The following UBE2U variants were observed in gnomAD, a reference collection of about 807,000 sequenced individuals.
UBE2U encodes ubiquitin-conjugating enzyme E2 U.
A neutral mutation model predicts 41.2 loss-of-function variants in UBE2U; 39 were observed. The ratio of observed to expected loss-of-function variants is 0.95; its 90% confidence interval spans 0.73 to 1.24. The LOEUF (loss-of-function observed/expected upper bound fraction) is 1.24. Among genes scored for constraint, UBE2U ranks in the 50% most tolerant of loss-of-function variants. The pLI is 0.00. For missense variants in UBE2U, 336 were observed against 363.1 expected (o/e 0.93, Z 0.61); for synonymous variants, 107 against 117.8 (o/e 0.91, Z 0.60).
chr1:64,237,975 A>C (rs976727435), intron 7 of UBE2U, among the ~76,000 whole-genome samples: 1 of 152,228 alleles, frequency 6.6e-6, no homozygotes, highest in Non-Finnish European at 1.5e-5. Context: ...TGAGAGATTA[A>C]ATTTTAAATT....
At position 64,205,663 on chromosome 1, in the gene UBE2U, GA is replaced by G; in HGVS notation, c.93del (p.Asp32IlefsTer2). The G allele has an allele frequency of 1.2e-6, 2 of 1,613,188 alleles. No individual in the cohort carries two copies. The highest frequency in any genetic ancestry group is 2.2e-5 in the South Asian group (2 of 90,948). Reference sequence around the variant, plus strand: ...GGGTATCACTGCTAAGCCTGTAAGTGAAGATATGATGGAATGGGAAGTTGAA... The same window carrying G: ...GGGTATCACTGCTAAGCCTGTAAGTGAGATATGATGGAATGGGAAGTTGAA... ...YKGITAKPVS[E>X]DMMEWEVEIE... On this transcript the variant is annotated frameshift_variant, in exon 2 of 10. Coordinates refer to ENST00000371077, the MANE Select transcript of UBE2U (RefSeq NM_001366232.2). LOFTEE classifies it high-confidence loss of function.
intron 6 of UBE2U, among the ~76,000 whole-genome samples, chr1:64,229,893 T>G (rs1313402656): frequency 1.3e-5 from 2 of 152,228 alleles, no homozygotes; most frequent in African/African-American, 4.8e-5. Flanking sequence ...CTCTTATTTC[T>G]AATCTCAGTG....
intron 8 of UBE2U, among the ~76,000 whole-genome samples, chr1:64,259,077 G>GATGA (rs1473157264): frequency 6.6e-6 from 1 of 152,188 alleles, no homozygotes; most frequent in Non-Finnish European, 1.5e-5. Context: ...GGCCAGTGAT[G>GATGA]ATGAGCATTT....
At chr1:64,241,879 G>T (rs529409774) in intron 8 of UBE2U, 146 bp downstream of exon 8, 82 of 559,540 alleles carry the variant, frequency 1.5e-4, no homozygotes, top group African/African-American at 1.4e-3. Context: ...AAGAATAAAA[G>T]AAATGATCAT....
At chr1:64,255,831 A>C (rs539183316) in intron 8 of UBE2U, among the ~76,000 whole-genome samples, 101 of 151,752 alleles carry the variant, frequency 6.7e-4, no homozygotes, top group Middle Eastern at 3.4e-3. Flanking sequence ...TCTTCAAATT[A>C]TCTTTGTTTG....
intron 8 of UBE2U, among the ~76,000 whole-genome samples, chr1:64,248,822 C>T (rs868417872): frequency 3.9e-5 from 6 of 151,946 alleles, no homozygotes; most frequent in Admixed American, 3.3e-4. Flanking sequence ...AAAATCCTAA[C>T]GGTTTTTTTA....
intron 7 of UBE2U, among the ~76,000 whole-genome samples, chr1:64,235,511 A>G (rs1264696266): frequency 1.3e-5 from 2 of 152,198 alleles, no homozygotes; most frequent in East Asian, 3.8e-4. Context: ...TCCTGGCAAT[A>G]ATAAAGATGA....
intron 5 of UBE2U, among the ~76,000 whole-genome samples, chr1:64,220,263 A>C (rs1433100492): frequency 1.3e-5 from 2 of 151,972 alleles, no homozygotes; most frequent in Non-Finnish European, 2.9e-5. Flanking sequence ...AGAGAGAGAG[A>C]GCAAGTGCAA....
intron 6 of UBE2U, among the ~76,000 whole-genome samples, chr1:64,231,216 G>A (rs559766490): frequency 2.0e-5 from 3 of 148,872 alleles, no homozygotes; most frequent in East Asian, 2.2e-4. Flanking sequence ...GTCATGGGTC[G>A]TGGTCAAACA....
At chr1:64,251,812 G>T (rs979728418) in intron 8 of UBE2U, among the ~76,000 whole-genome samples, 1 of 152,074 alleles carries the variant, frequency 6.6e-6, no homozygotes, top group Non-Finnish European at 1.5e-5. Context: ...TACATAATCT[G>T]GTCCTAAAAT....
At chr1:64,227,409 A>G (rs372863861) in intron 6 of UBE2U, among the ~76,000 whole-genome samples, 1 of 152,248 alleles carries the variant, frequency 6.6e-6, no homozygotes, top group South Asian at 2.1e-4. Context: ...TTAATTAGTG[A>G]ATTTAGCAAA....
At chr1:64,253,705 G>A (rs1645047342) in intron 8 of UBE2U, among the ~76,000 whole-genome samples, 1 of 152,128 alleles carries the variant, frequency 6.6e-6, no homozygotes, top group Non-Finnish European at 1.5e-5. Flanking sequence ...TTTCAGAAAA[G>A]CAAATGCTGA....
At chr1:64,251,366 T>C (rs1645008112) in intron 8 of UBE2U, among the ~76,000 whole-genome samples, 1 of 152,054 alleles carries the variant, frequency 6.6e-6, no homozygotes, top group South Asian at 2.1e-4. Context: ...TGGTTTAACA[T>C]TTGAAAATTT....
intron 7 of UBE2U, among the ~76,000 whole-genome samples, chr1:64,238,415 A>G (rs1417834390): frequency 6.6e-6 from 1 of 151,270 alleles, no homozygotes; most frequent in Non-Finnish European, 1.5e-5. Flanking sequence ...AAAAAAAAAA[A>G]GAAAAGATAA....
intron 5 of UBE2U, chr1:64,215,517 A>T (rs1651944692): frequency 6.6e-6 from 1 of 152,340 alleles, no homozygotes; most frequent in Non-Finnish European, 1.5e-5. Context: ...TAGTCCACCC[A>T]TCATAAAGGT....
At chr1:64,261,419 G>C (rs1645178983) in intron 9 of UBE2U, among the ~76,000 whole-genome samples, 1 of 151,874 alleles carries the variant, frequency 6.6e-6, no homozygotes, top group Non-Finnish European at 1.5e-5. Flanking sequence ...TTTGTGAACT[G>C]AAAAGTACAA....
At chr1:64,262,273 G>T (rs888683905) in intron 9 of UBE2U, among the ~76,000 whole-genome samples, 1 of 152,078 alleles carries the variant, frequency 6.6e-6, no homozygotes, top group African/African-American at 2.4e-5. Flanking sequence ...TGCTCTATTT[G>T]TTTTCTATTG....
intron 9 of UBE2U, among the ~76,000 whole-genome samples, chr1:64,264,604 G>A (rs575389360): frequency 7.9e-5 from 12 of 152,074 alleles, no homozygotes; most frequent in African/African-American, 2.9e-4. Context: ...TTCATTCCAC[G>A]CCAGCAACTC....
At chr1:64,258,762 A>T (rs1420861515) in intron 8 of UBE2U, among the ~76,000 whole-genome samples, 1 of 152,226 alleles carries the variant, frequency 6.6e-6, no homozygotes. Context: ...TGCTATTGTG[A>T]ATAGTGCCAC....
Sources: gnomAD v4.1 joint callset for allele counts (sites outside exome capture counted in the v4.1 genomes callset) on GRCh38, gnomAD v4.1.1 for gene constraint, MANE v1.5 for transcripts, NCBI Gene and HGNC (gene_info 2026-07-23, HGNC 2026-07-21) for gene names.